The following DCP1B variants were observed in gnomAD, a reference collection of about 807,000 sequenced individuals.
DCP1B encodes the protein mRNA-decapping enzyme 1B.
Under a neutral mutation model 60.5 loss-of-function variants are expected in DCP1B, and 47 were observed. The ratio of observed to expected loss-of-function variants is 0.78; its 90% CI spans 0.61 to 0.99. The LOEUF is 0.99. Among genes scored for constraint, DCP1B ranks in the 50% least tolerant of loss-of-function variants. DCP1B has a pLI of 0.00. For missense variants in DCP1B, 725 were observed against 756.8 expected (o/e 0.96, Z 0.49); for synonymous variants, 267 against 280.3 (o/e 0.95, Z 0.47).
intron 3 of DCP1B, among the ~76,000 whole-genome samples, chr12:1,990,008 A>C (rs113755283): frequency 0.027 from 4,171 of 152,264 alleles, 96 homozygotes; most frequent in Middle Eastern, 0.054. Flanking sequence ...AAAATAACTA[A>C]GTGTTTGTAA....
intron 3 of DCP1B, among the ~76,000 whole-genome samples, chr12:1,987,322 A>G (rs1488320169): frequency 2.6e-5 from 4 of 152,256 alleles, no homozygotes; most frequent in Non-Finnish European, 1.5e-5. Flanking sequence ...ACAGGTGCAC[A>G]CTGGGCTAGA....
chr12:1,952,424 G>A lies in DCP1B; in HGVS notation c.1516C>T (p.Leu506Phe). The change falls in exon 7 of 9, where the codon CTT becomes TTT. Residue 506 changes from leucine to phenylalanine, a missense_variant. Leu to Phe is a conservative substitution (Grantham distance 22). Coordinates refer to ENST00000280665, the MANE Select transcript of DCP1B (RefSeq NM_152640.5). ...KTPNTEQQTP[L>F]FQVISPQRIP... ...CCCTGGTACATATTTACCTGGAAAAGAGGAGTCTGCTGTTCTGTGTTGGGT... is the reference window on the plus strand; with the variant it reads ...CCCTGGTACATATTTACCTGGAAAAAAGGAGTCTGCTGTTCTGTGTTGGGT... The A allele has an allele frequency of 6.3e-7, 1 of 1,577,456 alleles. No individual in the cohort carries two copies. Among genetic ancestry groups the A allele is most frequent in the Non-Finnish European group, 8.6e-7 (1 of 1,158,414 alleles).
intron 7 of DCP1B, 21 bp from the exon 8 acceptor site, chr12:1,949,355 CAG>C: frequency 6.2e-7 from 1 of 1,610,520 alleles, no homozygotes; most frequent in Non-Finnish European, 8.5e-7. Flanking sequence ...CAAATACACA[CAG>C]AGAGCGGGGT....
At chr12:1,964,965 T>G (rs548500934) in intron 5 of DCP1B, among the ~76,000 whole-genome samples, 156 of 152,244 alleles carry the variant, frequency 1.0e-3, no homozygotes, top group Non-Finnish European at 1.8e-3. Flanking sequence ...TTTCTTTCCA[T>G]GAGCCTTACA....
rs1480219531 is a variant in DCP1B, at chr12:1,955,522, G to A, written c.561C>T (p.Ser187=). ...GATTTGGATTGTCATAGATGGCAGA[G>A]GAACTGGTTATCTTTTTTGGCTCAG... ...TCSEPKKITS[S]SAIYDNPNLI... The change falls in exon 6 of 9, where the codon TCC becomes TCT. Residue 187 remains serine, a synonymous_variant. Transcript: ENST00000280665. 4 of 1,613,802 alleles carry A rather than the reference G, an allele frequency of 2.5e-6. No individual in the cohort carries two copies. The highest frequency in any genetic ancestry group is 3.4e-6 in the Non-Finnish European group (4 of 1,179,754).
At chr12:1,976,095 T>C (rs548973904) in intron 3 of DCP1B, among the ~76,000 whole-genome samples, 2 of 152,026 alleles carry the variant, frequency 1.3e-5, no homozygotes, top group South Asian at 4.2e-4. Flanking sequence ...TTTCTTTAGA[T>C]GGATAGTTTT....
intron 3 of DCP1B, among the ~76,000 whole-genome samples, chr12:1,984,710 C>G (rs750959112): frequency 2.1e-4 from 31 of 147,974 alleles, no homozygotes; most frequent in Non-Finnish European, 2.1e-4. Context: ...TTCCAGCTTT[C>G]CCTTTGATAT....
At chr12:1,984,779 A>T (rs2108632) in intron 3 of DCP1B, among the ~76,000 whole-genome samples, 25 of 44,614 alleles carry the variant, frequency 5.6e-4, no homozygotes, top group South Asian at 2.4e-3. Flanking sequence ...GTCTTCTGGT[A>T]AAAAAAAAAA....
At chr12:1,957,955 C>A (rs571155636) in intron 5 of DCP1B, among the ~76,000 whole-genome samples, 4 of 152,088 alleles carry the variant, frequency 2.6e-5, no homozygotes, top group African/African-American at 4.8e-5. Context: ...AAGCGTAAGG[C>A]CTGAGACTAT....
intron 6 of DCP1B, among the ~76,000 whole-genome samples, chr12:1,953,587 G>A (rs776510075): frequency 4.4e-4 from 67 of 152,156 alleles, no homozygotes; most frequent in Admixed American, 9.2e-4. Flanking sequence ...CACCTTGGTA[G>A]GAAATTATAT....
chr12:2,001,960 C>A (rs970501885), intron 1 of DCP1B, among the ~76,000 whole-genome samples: 1 of 152,162 alleles, frequency 6.6e-6, no homozygotes, highest in Non-Finnish European at 1.5e-5. Context: ...CTGGAAAATA[C>A]CAGGGTTATG....
downstream of DCP1B, among the ~76,000 whole-genome samples, chr12:1,941,661 G>A (rs1033464907): frequency 1.3e-5 from 2 of 152,038 alleles, no homozygotes; most frequent in South Asian, 2.1e-4. Flanking sequence ...GATGACCTTC[G>A]GATGGGGTTT....
At chr12:1,992,130 G>C (rs1302289379) in intron 3 of DCP1B, 1 of 262,234 alleles carries the variant, frequency 3.8e-6, no homozygotes, top group Non-Finnish European at 8.2e-6. Context: ...TGTACCTTTC[G>C]GCAAAGAAAC....
chr12:1,941,871 A>G (rs2030288180), downstream of DCP1B, among the ~76,000 whole-genome samples: 1 of 152,186 alleles, frequency 6.6e-6, no homozygotes, highest in Admixed American at 6.5e-5. Flanking sequence ...TTATGAAGAA[A>G]CTGCATCAAC....
chr12:1,954,417 T>A (rs1045948814), intron 6 of DCP1B, among the ~76,000 whole-genome samples: 1 of 152,154 alleles, frequency 6.6e-6, no homozygotes, highest in Non-Finnish European at 1.5e-5. Flanking sequence ...CTAATTCCTT[T>A]AAGAAAATCT....
chr12:2,001,037 C>CAA (rs55946150), intron 1 of DCP1B, among the ~76,000 whole-genome samples: 4 of 124,334 alleles, frequency 3.2e-5, no homozygotes, highest in Non-Finnish European at 7.0e-5. Flanking sequence ...GACTTCGTCT[C>CAA]AAAAAAAAAA....
intron 1 of DCP1B, among the ~76,000 whole-genome samples, chr12:2,000,782 A>T (rs2042006067): frequency 1.3e-5 from 2 of 152,176 alleles, no homozygotes. Context: ...CACGCCTGTA[A>T]CCCCAGCACT....
intron 3 of DCP1B, among the ~76,000 whole-genome samples, chr12:1,990,820 T>A (rs867465777): frequency 5.9e-5 from 9 of 152,280 alleles, no homozygotes; most frequent in African/African-American, 2.2e-4. Flanking sequence ...TTATATAACA[T>A]ATTTGAATTC....
At position 1,993,293 on chromosome 12, in the gene DCP1B, T is replaced by G. The variant is rs759481679; in HGVS notation, c.290A>C (p.Asp97Ala). 1.2e-6 allele frequency: 2 copies of G among 1,614,066 alleles called. No individual in the cohort carries two copies. Among genetic ancestry groups the G allele is most frequent in the Admixed American group, 1.7e-5 (1 of 60,008 alleles). Residue 97 changes from aspartate (D) to alanine (A), a missense_variant, in exon 3 of 9, where the codon GAC becomes GCC. Physicochemically the swap from Asp to Ala is moderately radical, Grantham distance 126 (BLOSUM62 -2). Coordinates refer to ENST00000280665, the MANE Select transcript of DCP1B (RefSeq NM_152640.5). ...ITKDLDFQLQDPFLLYRNARL... is the reference protein window; with the variant it reads ...ITKDLDFQLQAPFLLYRNARL... ...GGCATTTCTGTAGAGAAGGAAAGGG[T>G]CCTGGAGTTGGAAATCCAAGTCTTT...
Sources: gnomAD v4.1 joint callset for allele counts (sites outside exome capture counted in the v4.1 genomes callset) on GRCh38, gnomAD v4.1.1 for gene constraint, MANE v1.5 for transcripts, NCBI Gene and HGNC (gene_info 2026-07-23, HGNC 2026-07-21) for gene names.